The following ERN1 variants were observed in gnomAD, a reference collection of about 807,000 sequenced individuals.
The protein encoded by ERN1 is endoplasmic reticulum to nucleus signaling 1, also known as serine/threonine-protein kinase/endoribonuclease IRE1.
Under a neutral mutation model 113.1 loss-of-function variants are expected in ERN1, and 39 were observed. The observed-to-expected ratio is 0.34, with a 90% CI of 0.27 to 0.45. The LOEUF is 0.45. ERN1 is among the 20% of genes least tolerant of loss of function. The pLI is 1.00. For synonymous variants in ERN1, 507 were observed against 515.9 expected (o/e 0.98, Z 0.23); for missense variants, 976 against 1,274.8 (o/e 0.77, Z 3.57).
In ERN1 at chr17:64,067,728, A is replaced by T. The variant is rs1438937671; in HGVS notation, c.580+462T>A. 3 of 154,206 alleles carry T rather than the reference A, an allele frequency of 1.9e-5. No homozygotes were observed. The East Asian group carries it at 5.7e-4, about 29-fold the overall frequency. 9.6% of individuals were successfully genotyped at this position (154,206 alleles called of 1,614,324 possible). On this transcript the variant is annotated intron_variant, in intron 7 of 21. Coordinates refer to ENST00000433197, the MANE Select transcript of ERN1 (RefSeq NM_001433.5). ...AATATTCTAGGTCCTTGACAAGAAA[A>T]AGCAGAGTCCAACTTTGATACCAAT...
intron 1 of ERN1, among the ~76,000 whole-genome samples, chr17:64,125,988 T>C (rs369684265): frequency 6.2e-4 from 94 of 152,194 alleles, no homozygotes; most frequent in African/African-American, 2.2e-3. Context: ...GATTATAAGA[T>C]ATTGATAGAA....
rs140042627 is a variant in ERN1 at position 64,067,754 on chromosome 17, G to C, written c.580+436C>G. 8.6e-3 allele frequency: 1,346 copies of C among 156,846 alleles called. 20 individuals carry two copies. The highest frequency in any genetic ancestry group is 0.03 in the African/African-American group (1,233 of 41,652). The allele number at this position is 156,846 out of a possible 1,614,324, so 9.7% of individuals were successfully genotyped here. Reference sequence around the variant, plus strand: ...AGCAGAGTCCAACTTTGATACCAATGTTAAGGTGGCAAATTGGTTTTTAGT... The same window carrying C: ...AGCAGAGTCCAACTTTGATACCAATCTTAAGGTGGCAAATTGGTTTTTAGT... On this transcript the variant is annotated intron_variant, in intron 7 of 21. Transcript: ENST00000433197.
At position 64,075,257 on chromosome 17, in the gene ERN1, AAAAAAAAAAG is replaced by A; in HGVS notation, c.283-20_283-11del. 1.3e-6 allele frequency: 2 copies of A among 1,494,024 alleles called. No individual in the cohort carries two copies. The highest frequency in any genetic ancestry group is 1.8e-6 in the Non-Finnish European group (2 of 1,128,980). The allele number at this position is 1,494,024 out of a possible 1,614,324, so 92.5% of individuals were successfully genotyped here. ...TGGTAAAAGGAAGTTTCTTTAAAAA[AAAAAAAAAAG>A]AAAAAAAAAAGTTAACCAAGTCTTG... On this transcript the variant is annotated splice_polypyrimidine_tract_variant and intron_variant, in intron 4 of 21. Transcript: ENST00000433197.
Position 64,057,797 on chromosome 17 carries a change from T to G in ERN1, c.1398+5A>C, listed in dbSNP as rs1402385848. The G allele has an allele frequency of 6.2e-7, 1 of 1,612,972 alleles. No individual in the cohort carries two copies. The highest frequency in any genetic ancestry group is 1.3e-5 in the African/African-American group (1 of 74,894). ...GGATGGCAAAGGGGAATTGTTGAGC[T>G]TTACCAGGGGATAGGTGATGATGAA... On this transcript the variant is annotated splice_donor_5th_base_variant and intron_variant, in intron 12 of 21. Transcript: ENST00000433197.
intron 18 of ERN1, among the ~76,000 whole-genome samples, chr17:64,048,659 C>G (rs1912587266): frequency 6.6e-5 from 10 of 152,124 alleles, no homozygotes; most frequent in Admixed American, 6.5e-4. Context: ...TGTCCCCAGC[C>G]CAGCACAGAC....
At chr17:64,069,269 T>C (rs565400712) in intron 6 of ERN1, among the ~76,000 whole-genome samples, 1 of 152,202 alleles carries the variant, frequency 6.6e-6, no homozygotes, top group Non-Finnish European at 1.5e-5. Context: ...CTTGTGGGTA[T>C]GGCTTTTATC....
chr17:64,122,234 ATC>A (rs1006347895), intron 1 of ERN1, among the ~76,000 whole-genome samples: 8 of 152,310 alleles, frequency 5.3e-5, no homozygotes, highest in African/African-American at 1.7e-4. Flanking sequence ...GCCTTTTCCC[ATC>A]TGTCTGCTCT....
intron 1 of ERN1, 26 bp downstream of exon 1, chr17:64,129,950 C>T: frequency 6.9e-7 from 1 of 1,439,566 alleles, no homozygotes; most frequent in Non-Finnish European, 9.1e-7. Context: ...GAGCTGTCCT[C>T]CACCCCACGC....
Position 64,041,411 on chromosome 17 carries a change from T to C in ERN1, c.*2577A>G, listed in dbSNP as rs1912333572. The C allele has an allele frequency of 6.6e-6, 1 of 152,186 alleles. No homozygotes were observed. Among genetic ancestry groups the C allele is most frequent in the Non-Finnish European group, 1.5e-5 (1 of 68,042 alleles). The allele number at this position is 152,186 out of a possible 1,614,324, so 9.4% of individuals were successfully genotyped here. A position where few individuals can be genotyped will look rare whatever the true frequency, so the allele number is the denominator to read the frequency against. ...CAAACAGCTAAGCCGCAACACGATA[T>C]GTGATGGTGCAGAGCTGTTCTGGCC... On this transcript the variant is annotated 3_prime_UTR_variant, in exon 22 of 22. Coordinates refer to ENST00000433197, the MANE Select transcript of ERN1 (RefSeq NM_001433.5).
At chr17:64,128,856 A>T (rs529289082) in intron 1 of ERN1, 1 of 152,128 alleles carries the variant, frequency 6.6e-6, no homozygotes, top group East Asian at 1.9e-4. Context: ...AATTCTTGTT[A>T]CTCCAAGAGT....
intron 1 of ERN1, among the ~76,000 whole-genome samples, chr17:64,116,880 G>A (rs1424348228): frequency 3.3e-5 from 5 of 151,146 alleles, no homozygotes; most frequent in African/African-American, 1.2e-4. Flanking sequence ...CGAGGTGGGC[G>A]GATCACAAGG....
In ERN1 at chr17:64,060,530, T is replaced by C. The variant is rs775929986; in HGVS notation, c.1145A>G (p.Asn382Ser). The change falls in exon 11 of 22, where the codon AAT becomes AGT. Residue 382 changes from asparagine to serine, a missense_variant. Asn to Ser is a conservative substitution (Grantham distance 46). Transcript: ENST00000433197. ...CACATTTTCCCGATGTTTGGGTAGA[T>C]TGTTGGGAAATCTCTCCAGCATCTT... ...STKMLERFPN[N>S]LPKHRENVIP... The C allele has an allele frequency of 5.0e-6, 8 of 1,613,972 alleles. No homozygotes were observed. The highest frequency in any genetic ancestry group is 2.2e-5 in the East Asian group (1 of 44,890).
chr17:64,057,080 C>G (rs1386047454), intron 12 of ERN1, among the ~76,000 whole-genome samples: 1 of 152,202 alleles, frequency 6.6e-6, no homozygotes, highest in Middle Eastern at 3.2e-3. Context: ...GCCACACTGC[C>G]TTTTTCACAC....
chr17:64,075,472 G>A (rs530048008), intron 4 of ERN1, among the ~76,000 whole-genome samples: 7 of 152,098 alleles, frequency 4.6e-5, no homozygotes, highest in African/African-American at 1.2e-4. Context: ...TCATTCTGTC[G>A]CCCAGGCTGG....
chr17:64,048,259 G>A lies in ERN1; in HGVS notation c.2402-274C>T, dbSNP rs185188011. ...ACGCTGGGCCATGAGCTGTTAAAGT[G>A]CGGCTGTGACTAAATATGGATTGAC... On this transcript the variant is annotated intron_variant, in intron 18 of 21. Transcript: ENST00000433197. Among the ~76,000 whole-genome samples the A allele has an allele frequency of 2.0e-5, 3 of 152,304 alleles. No homozygotes were observed. In the East Asian group the frequency reaches 5.8e-4, roughly 29 times the overall value.
intron 1 of ERN1, among the ~76,000 whole-genome samples, chr17:64,107,156 G>A (rs1389503420): frequency 1.3e-5 from 2 of 152,146 alleles, no homozygotes. Context: ...TCAGTGCCCA[G>A]TAAGTGCAAA....
intron 1 of ERN1, chr17:64,098,665 G>A: frequency 2.2e-6 from 1 of 465,104 alleles, no homozygotes; most frequent in Non-Finnish European, 4.3e-6. Context: ...AAAAAGCAAA[G>A]AATTAGGGGA....
rs1271445507 is a variant in ERN1, at chr17:64,075,384, C to T, written c.283-137G>A. ...ACTTTGCAGATGAGAGTTTTCCTAA[C>T]TGAATACAAAGGAGAAGGGGGCACC... On this transcript the variant is annotated intron_variant, in intron 4 of 21. Coordinates refer to ENST00000433197, the MANE Select transcript of ERN1 (RefSeq NM_001433.5). 4.2e-6 allele frequency: 3 copies of T among 716,660 alleles called. No individual in the cohort carries two copies. In the African/African-American group the frequency reaches 5.7e-5, roughly 14 times the overall value. The allele number at this position is 716,660 out of a possible 1,614,324, so 44.4% of individuals were successfully genotyped here.
intron 1 of ERN1, among the ~76,000 whole-genome samples, chr17:64,115,019 A>G (rs1485190520): frequency 6.6e-6 from 1 of 152,144 alleles, no homozygotes; most frequent in Admixed American, 6.5e-5. Context: ...TGGAATCAGA[A>G]AGCTCCCTCT....
Sources: gnomAD v4.1 joint callset for allele counts (sites outside exome capture counted in the v4.1 genomes callset) on GRCh38, gnomAD v4.1.1 for gene constraint, MANE v1.5 for transcripts, NCBI Gene and HGNC (gene_info 2026-07-23, HGNC 2026-07-21) for gene names.